The following GADL1 variants were observed in gnomAD, a reference collection of about 807,000 sequenced individuals.
The protein encoded by GADL1 is acidic amino acid decarboxylase GADL1.
Under a neutral mutation model 69.5 loss-of-function variants are expected in GADL1, and 71 were observed. That is an observed-to-expected ratio of 1.02 (90% CI 0.84 to 1.25). GADL1 has a LOEUF of 1.25. Ranked by LOEUF, GADL1 falls within the 50% of genes most tolerant of loss-of-function variation. GADL1 has a pLI of 0.00. For synonymous variants in GADL1, 254 were observed against 214.4 expected, an observed-to-expected ratio of 1.18 and a Z score of -1.62; for missense variants, 737 against 631.8, an observed-to-expected ratio of 1.17 and a Z score of -1.79.
intron 14 of GADL1, among the ~76,000 whole-genome samples, chr3:30,742,629 T>C (rs1995449): frequency 0.088 from 13,365 of 152,120 alleles, 1,562 homozygotes; most frequent in African/African-American, 0.27. Flanking sequence ...TATTGGCTGG[T>C]ACTCTCAGAA....
intron 14 of GADL1, among the ~76,000 whole-genome samples, chr3:30,774,068 T>G (rs1271269787): frequency 4.6e-5 from 7 of 152,120 alleles, no homozygotes; most frequent in Non-Finnish European, 1.0e-4. Context: ...TGGTAAGATA[T>G]GGTAAGATTT....
In GADL1 at chr3:30,769,427, AG is replaced by A. The variant is rs376593067; in HGVS notation, c.1392+8751del. Among the ~76,000 whole-genome samples the A allele has an allele frequency of 8.3e-4, 127 of 152,234 alleles. 1 individual carries two copies. The highest frequency in any genetic ancestry group is 2.9e-3 in the African/African-American group (119 of 41,532). On this transcript the variant is annotated intron_variant, in intron 14 of 14. Transcript: ENST00000282538. ...AGATACCTCCTTAGGTTACGCAAAG[AG>A]GGAAGCTGAGGATGATTCCTATCTG...
At chr3:30,731,326 T>C (rs1695453958) in intron 14 of GADL1, among the ~76,000 whole-genome samples, 1 of 152,246 alleles carries the variant, frequency 6.6e-6, no homozygotes, top group African/African-American at 2.4e-5. Context: ...ATTTGCATAG[T>C]GTATTCCTGT....
At chr3:30,814,137 G>C (rs982881317) in intron 11 of GADL1, among the ~76,000 whole-genome samples, 4 of 152,098 alleles carry the variant, frequency 2.6e-5, no homozygotes, top group Admixed American at 6.5e-5. Flanking sequence ...AAAACAGAAG[G>C]TGTCTTCATT....
At chr3:30,750,727 G>T (rs1054465050) in intron 14 of GADL1, among the ~76,000 whole-genome samples, 1 of 151,612 alleles carries the variant, frequency 6.6e-6, no homozygotes, top group Non-Finnish European at 1.5e-5. Context: ...ATACATATAC[G>T]TATATGTAAT....
intron 1 of GADL1, among the ~76,000 whole-genome samples, chr3:30,872,230 C>A (rs1300934144): frequency 1.3e-5 from 2 of 151,840 alleles, no homozygotes; most frequent in Non-Finnish European, 2.9e-5. Flanking sequence ...GTCCTTCAGT[C>A]CCAGTTTGGA....
intron 13 of GADL1, 58 bp from the exon 14 acceptor site, chr3:30,778,326 A>T: frequency 9.3e-7 from 1 of 1,081,028 alleles, no homozygotes; most frequent in Non-Finnish European, 1.4e-6. Flanking sequence ...GAATGCAATG[A>T]AATACTTTTA....
chr3:30,849,383 A>G (rs1698109413), intron 6 of GADL1, among the ~76,000 whole-genome samples: 1 of 152,208 alleles, frequency 6.6e-6, no homozygotes, highest in African/African-American at 2.4e-5. Context: ...TGAGGCACAA[A>G]GAAATTAACT....
At chr3:30,798,634 T>C (rs1257450361) in intron 12 of GADL1, 4 of 152,184 alleles carry the variant, frequency 2.6e-5, no homozygotes, top group Admixed American at 2.6e-4. Flanking sequence ...CGTGCTCACA[T>C]TTCAAAACCA....
chr3:30,773,953 A>G (rs1339683780), intron 14 of GADL1, among the ~76,000 whole-genome samples: 1 of 152,178 alleles, frequency 6.6e-6, no homozygotes, highest in African/African-American at 2.4e-5. Context: ...TGTCAATTTG[A>G]TTAGTGAAAG....
At chr3:30,801,236 G>A in intron 11 of GADL1, 148 bp from the exon 12 acceptor site, 1 of 631,436 alleles carries the variant, frequency 1.6e-6, no homozygotes, top group East Asian at 2.7e-5. Flanking sequence ...CACAATCAGT[G>A]TACATTGACT....
chr3:30,756,050 C>CT (rs1695962743), intron 14 of GADL1, among the ~76,000 whole-genome samples: 1 of 152,012 alleles, frequency 6.6e-6, no homozygotes, highest in African/African-American at 2.4e-5. Flanking sequence ...TGCAGGAGAC[C>CT]TAGGGCTGTG....
chr3:30,763,004 G>GCAAC (rs1364712891), intron 14 of GADL1, among the ~76,000 whole-genome samples: 4 of 152,134 alleles, frequency 2.6e-5, no homozygotes, highest in African/African-American at 4.8e-5. Context: ...CCAAATCTTA[G>GCAAC]CTATTGTAAA....
At chr3:30,747,508 C>T (rs1695725076) in intron 14 of GADL1, among the ~76,000 whole-genome samples, 1 of 152,192 alleles carries the variant, frequency 6.6e-6, no homozygotes, top group Non-Finnish European at 1.5e-5. Context: ...AAATTCACAT[C>T]TACCCATACA....
At chr3:30,741,046 T>C (rs1695616312) in intron 14 of GADL1, among the ~76,000 whole-genome samples, 1 of 136,350 alleles carries the variant, frequency 7.3e-6, no homozygotes, top group South Asian at 2.2e-4. Context: ...ATATATTTGA[T>C]ATATCAGATA....
chr3:30,786,376 TTC>T lies in GADL1; in HGVS notation c.1279_1280del (p.Glu427ArgfsTer9). 2.6e-6 allele frequency: 4 copies of T among 1,553,748 alleles called. No individual in the cohort carries two copies. The highest frequency in any genetic ancestry group is 1.1e-5 in the South Asian group (1 of 89,562). ...RYLVDEIKKR[E>X]GFKLLMEPEY... ...TTACTTCCATCAGTAACTTGAATCC[TTC>T]TCTTTTCTTGATTTCATCTACTAGG... On this transcript the variant is annotated frameshift_variant, in exon 13 of 15. Transcript: ENST00000282538. LOFTEE classifies it high-confidence loss of function.
chr3:30,819,776 G>A (rs1182048108), intron 11 of GADL1, among the ~76,000 whole-genome samples: 3 of 151,880 alleles, frequency 2.0e-5, no homozygotes, highest in South Asian at 2.1e-4. Flanking sequence ...AGGAATACAA[G>A]ATAAAAATGA....
chr3:30,759,551 A>G (rs914086807), intron 14 of GADL1, among the ~76,000 whole-genome samples: 9 of 152,234 alleles, frequency 5.9e-5, no homozygotes, highest in Non-Finnish European at 1.3e-4. Context: ...ACACGTTCCC[A>G]CAGTAACACT....
intron 1 of GADL1, among the ~76,000 whole-genome samples, chr3:30,882,843 G>T (rs886241407): frequency 1.2e-4 from 18 of 146,956 alleles, no homozygotes; most frequent in Non-Finnish European, 1.1e-4. Context: ...CAGGTGGTTG[G>T]TTTTTTTTTT....
Sources: allele counts gnomAD v4.1 joint callset (sites outside exome capture counted in the v4.1 genomes callset), GRCh38; gene constraint gnomAD v4.1.1; transcripts MANE v1.5; gene names NCBI Gene and HGNC (gene_info 2026-07-23, HGNC 2026-07-21).